The following CTNNA3 variants were observed in gnomAD, a reference collection of about 807,000 sequenced individuals.
CTNNA3 encodes the protein catenin alpha 3.
CTNNA3 carries 76 observed loss-of-function variants against 95.7 expected under a neutral mutation model. That is an observed-to-expected ratio of 0.79 (90% CI 0.66 to 0.96). The LOEUF (loss-of-function observed/expected upper bound fraction) is 0.96. Ranked by LOEUF, CTNNA3 falls within the 40% of genes least tolerant of loss-of-function variation. The pLI, the probability that CTNNA3 is intolerant of heterozygous loss-of-function variation, is 0.00. For synonymous variants in CTNNA3, 431 were observed against 374.4 expected, an observed-to-expected ratio of 1.15 and a Z score of -1.74; for missense variants, 1,191 against 1,089.8, an observed-to-expected ratio of 1.09 and a Z score of -1.31.
chr10:67,455,291 G>GA (rs1278294790), intron 5 of CTNNA3, among the ~76,000 whole-genome samples: 5 of 151,864 alleles, frequency 3.3e-5, no homozygotes, highest in East Asian at 1.9e-4. Flanking sequence ...ATTTGAGAAG[G>GA]AAAAAATAGA....
In CTNNA3 at chr10:66,692,053, C is replaced by G. The variant is rs1046146485; in HGVS notation, c.1282-70269G>C. ...AAACTGGAAACTCTAAAAAGCAGAGCGCCTCTCCTCCTCCAAAGGAATGCA... is the reference window on the plus strand; with the variant it reads ...AAACTGGAAACTCTAAAAAGCAGAGGGCCTCTCCTCCTCCAAAGGAATGCA... On this transcript the variant is annotated intron_variant, in intron 9 of 17. Transcript: ENST00000433211. Among the ~76,000 whole-genome samples, 5 of 151,350 alleles carry G rather than the reference C, an allele frequency of 3.3e-5. 1 individual carries two copies. The highest frequency in any genetic ancestry group is 5.9e-5 in the Non-Finnish European group (4 of 67,876).
chr10:67,738,895 A>T (rs896418970), intron 1 of CTNNA3, among the ~76,000 whole-genome samples: 1 of 152,186 alleles, frequency 6.6e-6, no homozygotes, highest in Non-Finnish European at 1.5e-5. Context: ...TTAGAGAAAA[A>T]AGAATAAAAA....
chr10:66,494,901 A>G (rs1487531766), intron 11 of CTNNA3, among the ~76,000 whole-genome samples: 1 of 152,162 alleles, frequency 6.6e-6, no homozygotes, highest in African/African-American at 2.4e-5. Context: ...ATGTTAAGCA[A>G]TTTTCCCAAG....
intron 6 of CTNNA3, among the ~76,000 whole-genome samples, chr10:67,193,031 C>T (rs1221687422): frequency 6.6e-6 from 1 of 151,852 alleles, no homozygotes; most frequent in African/African-American, 2.4e-5. Context: ...TATGATACCA[C>T]TTATATGTAA....
intron 13 of CTNNA3, among the ~76,000 whole-genome samples, chr10:66,179,061 C>G (rs571387077): frequency 1.3e-5 from 2 of 151,978 alleles, no homozygotes; most frequent in Admixed American, 1.3e-4. Context: ...GAATTTATCC[C>G]AGAGAAAATA....
intron 1 of CTNNA3, among the ~76,000 whole-genome samples, chr10:67,714,690 G>C (rs1228312140): frequency 6.6e-6 from 1 of 152,126 alleles, no homozygotes; most frequent in Admixed American, 6.5e-5. Context: ...GGTTTGAGAG[G>C]GGCCAGGGGT....
chr10:66,333,626 G>C (rs865976681), intron 12 of CTNNA3, among the ~76,000 whole-genome samples: 1 of 151,922 alleles, frequency 6.6e-6, no homozygotes, highest in Non-Finnish European at 1.5e-5. Context: ...TTTTACATTT[G>C]CTGAGGAGTG....
At chr10:66,188,216 A>G (rs2131875679) in intron 13 of CTNNA3, among the ~76,000 whole-genome samples, 1 of 152,262 alleles carries the variant, frequency 6.6e-6, no homozygotes, top group South Asian at 2.1e-4. Context: ...ATAAAGGAAA[A>G]TGAACAGAGT....
At chr10:66,925,884 G>T (rs761192619) in intron 7 of CTNNA3, 1 of 379,952 alleles carries the variant, frequency 2.6e-6, no homozygotes, top group Non-Finnish European at 5.3e-6. Flanking sequence ...TGACCATTCA[G>T]TTCCTACTGA....
chr10:67,077,520 A>C (rs1856802096), intron 7 of CTNNA3, among the ~76,000 whole-genome samples: 1 of 151,996 alleles, frequency 6.6e-6, no homozygotes. Context: ...CATCCTTTGC[A>C]CAATGTTACC....
chr10:67,225,208 G>A (rs1719296156), intron 5 of CTNNA3, among the ~76,000 whole-genome samples: 2 of 152,136 alleles, frequency 1.3e-5, no homozygotes, highest in Non-Finnish European at 2.9e-5. Context: ...CCCTACAGCA[G>A]CCACAGCAAG....
rs1484828658 is a variant in CTNNA3 at position 67,339,677 on chromosome 10, T to C, written c.580-119807A>G. Among the ~76,000 whole-genome samples the C allele has an allele frequency of 2.6e-5, 4 of 152,172 alleles. No homozygotes were observed. In the East Asian group the frequency reaches 7.7e-4, roughly 29 times the overall value. On this transcript the variant is annotated intron_variant, in intron 5 of 17. Coordinates refer to ENST00000433211, the MANE Select transcript of CTNNA3 (RefSeq NM_013266.4). ...TATATTATGCTCTAGGCAATGATCA[T>C]GTTCCTAATTTACAAAGTCCATGAA...
chr10:66,725,928 C>A (rs1320534335), intron 9 of CTNNA3, among the ~76,000 whole-genome samples: 1 of 152,084 alleles, frequency 6.6e-6, no homozygotes, highest in African/African-American at 2.4e-5. Flanking sequence ...TTTTTATAAT[C>A]TATTTCTGAT....
intron 14 of CTNNA3, among the ~76,000 whole-genome samples, chr10:66,083,931 T>A (rs1265785028): frequency 1.3e-5 from 2 of 151,944 alleles, no homozygotes; most frequent in Admixed American, 6.6e-5. Flanking sequence ...AGGTTGGGAA[T>A]TCGAGACCAG....
intron 12 of CTNNA3, among the ~76,000 whole-genome samples, chr10:66,327,552 A>G (rs1034906268): frequency 3.3e-5 from 5 of 152,148 alleles, no homozygotes; most frequent in African/African-American, 9.6e-5. Context: ...CATGTGGCAT[A>G]TATTTCTTTG....
intron 13 of CTNNA3, among the ~76,000 whole-genome samples, chr10:66,155,052 G>A (rs1370472550): frequency 4.0e-5 from 6 of 151,688 alleles, no homozygotes; most frequent in African/African-American, 9.7e-5. Context: ...TACAAAAATA[G>A]GTGGCAGGCA....
chr10:66,537,592 T>A (rs1841705670), intron 10 of CTNNA3, among the ~76,000 whole-genome samples: 1 of 149,114 alleles, frequency 6.7e-6, no homozygotes, highest in Admixed American at 6.7e-5. Context: ...TAAATTGTTA[T>A]AATTTTATTT....
intron 14 of CTNNA3, among the ~76,000 whole-genome samples, chr10:66,097,418 A>G (rs1429958773): frequency 6.6e-6 from 1 of 152,176 alleles, no homozygotes; most frequent in Non-Finnish European, 1.5e-5. Context: ...GAAACCAAAC[A>G]AGAATTTTCA....
Position 67,243,933 on chromosome 10 carries a change from A to G in CTNNA3, c.580-24063T>C, listed in dbSNP as rs55671302. Among the ~76,000 whole-genome samples, 328 of 152,294 alleles carry G rather than the reference A, an allele frequency of 2.2e-3. 3 individuals are homozygous for G. Among genetic ancestry groups the G allele is most frequent in the African/African-American group, 7.6e-3 (317 of 41,564 alleles). On this transcript the variant is annotated intron_variant, in intron 5 of 17. Transcript: ENST00000433211. Reference sequence around the variant, plus strand: ...CTCCTGAGGCCAAAATGATGTCTTCATTCCTCCATCCACTAGGCCTTGCAT... The same window carrying G: ...CTCCTGAGGCCAAAATGATGTCTTCGTTCCTCCATCCACTAGGCCTTGCAT...
Sources: allele counts gnomAD v4.1 joint callset (sites outside exome capture counted in the v4.1 genomes callset), GRCh38; gene constraint gnomAD v4.1.1; transcripts MANE v1.5; gene names NCBI Gene and HGNC (gene_info 2026-07-23, HGNC 2026-07-21).